FAM135A: variants seen among roughly 807,000 people sequenced by gnomAD.
FAM135A encodes the protein family with sequence similarity 135 member A.
A neutral mutation model predicts 146.8 loss-of-function variants in FAM135A; 79 were observed. The observed-to-expected ratio is 0.54, with a 90% confidence interval of 0.45 to 0.65. The LOEUF (loss-of-function observed/expected upper bound fraction) is 0.65. Ranked by LOEUF, FAM135A falls within the 30% of genes least tolerant of loss-of-function variation. The pLI is 0.00. For missense variants in FAM135A, 1,623 were observed against 1,758.2 expected, an observed-to-expected ratio of 0.92 and a Z score of 1.38; for synonymous variants, 562 against 603.6, an observed-to-expected ratio of 0.93 and a Z score of 1.01.
chr6:70,542,059 C>T (rs781279510), intron 20 of FAM135A, among the ~76,000 whole-genome samples: 55 of 152,266 alleles, frequency 3.6e-4, no homozygotes, highest in Middle Eastern at 6.8e-3. Context: ...TTCTCACTTC[C>T]TCGTTAGACG....
intron 5 of FAM135A, among the ~76,000 whole-genome samples, chr6:70,475,061 G>T (rs1392825848): frequency 6.6e-6 from 1 of 152,072 alleles, no homozygotes; most frequent in Non-Finnish European, 1.5e-5. Flanking sequence ...CTAGCAACCA[G>T]TACAAAGGCC....
intron 5 of FAM135A, among the ~76,000 whole-genome samples, chr6:70,472,858 C>T (rs1363823028): frequency 1.3e-5 from 2 of 152,124 alleles, no homozygotes; most frequent in Admixed American, 6.5e-5. Flanking sequence ...AGAAGTGATG[C>T]TTGTTCTTCT....
intron 11 of FAM135A, among the ~76,000 whole-genome samples, chr6:70,501,019 G>T (rs1205781827): frequency 6.6e-6 from 1 of 152,220 alleles, no homozygotes; most frequent in African/African-American, 2.4e-5. Flanking sequence ...TGTGCTCAGA[G>T]AATCCCTTTT....
At chr6:70,487,789 A>G (rs1784976475) in intron 10 of FAM135A, among the ~76,000 whole-genome samples, 1 of 152,200 alleles carries the variant, frequency 6.6e-6, no homozygotes, top group South Asian at 2.1e-4. Context: ...TTGCCAGCCT[A>G]TCAGTTTACA....
intron 11 of FAM135A, among the ~76,000 whole-genome samples, chr6:70,499,532 G>C (rs1788033286): frequency 1.3e-5 from 2 of 152,130 alleles, no homozygotes; most frequent in Non-Finnish European, 2.9e-5. Context: ...CATGATACTA[G>C]CTGGTTATTT....
intron 19 of FAM135A, among the ~76,000 whole-genome samples, chr6:70,537,858 G>T (rs1281297983): frequency 2.0e-5 from 3 of 152,116 alleles, no homozygotes; most frequent in African/African-American, 7.2e-5. Flanking sequence ...CTAAGATGTG[G>T]TCTGTTTGCA....
At chr6:70,484,072 A>G (rs1185695446) in intron 10 of FAM135A, among the ~76,000 whole-genome samples, 1 of 152,206 alleles carries the variant, frequency 6.6e-6, no homozygotes, top group Admixed American at 6.5e-5. Flanking sequence ...TTAACAGTGT[A>G]CTTCCCTTGG....
At position 70,481,998 on chromosome 6, in the gene FAM135A, T is replaced by G. The variant is rs778915980; in HGVS notation, c.670-3T>G. Reference sequence around the variant, plus strand: ...CTGTATCCTACATCTGTTTTTTGTTTAGGGTTGTAGCTTCATCATTGCAGA... The same window carrying G: ...CTGTATCCTACATCTGTTTTTTGTTGAGGGTTGTAGCTTCATCATTGCAGA... On this transcript the variant is annotated splice_region_variant and splice_polypyrimidine_tract_variant and intron_variant, in intron 9 of 21. Transcript: ENST00000418814. 6.2e-7 allele frequency: 1 copy of G among 1,609,988 alleles called. No individual in the cohort carries two copies. Among genetic ancestry groups the G allele is most frequent in the Non-Finnish European group, 8.5e-7 (1 of 1,178,084 alleles).
chr6:70,482,927 T>G (rs542892715), intron 10 of FAM135A, among the ~76,000 whole-genome samples: 2 of 141,972 alleles, frequency 1.4e-5, no homozygotes, highest in East Asian at 5.1e-4. Context: ...ATATATTGTT[T>G]TATAAGTTTT....
At chr6:70,474,816 G>A (rs936487973) in intron 5 of FAM135A, among the ~76,000 whole-genome samples, 22 of 152,022 alleles carry the variant, frequency 1.4e-4, no homozygotes, top group African/African-American at 4.8e-4. Flanking sequence ...CTGAATCATC[G>A]CCCATGTCGC....
At chr6:70,478,553 G>A (rs1357685839) in intron 8 of FAM135A, among the ~76,000 whole-genome samples, 1 of 152,098 alleles carries the variant, frequency 6.6e-6, no homozygotes, top group East Asian at 1.9e-4. Flanking sequence ...TTGACCACAG[G>A]TAATAACCTC....
intron 12 of FAM135A, chr6:70,503,695 CTAAA>C (rs2128257978): frequency 6.6e-6 from 1 of 152,244 alleles, no homozygotes; most frequent in South Asian, 2.1e-4. Context: ...TGTATGCACA[CTAAA>C]TAGAGGTTGT....
rs1561975558 is a variant in FAM135A at position 70,525,841 on chromosome 6, C to A, written c.2757C>A (p.Asp919Glu). Residue 919 changes from aspartate (D) to glutamate (E), a missense_variant, in exon 15 of 22, where the codon GAC becomes GAA. By Grantham distance (45) the Asp-to-Glu change is conservative (BLOSUM62 2). Transcript: ENST00000418814. Reference sequence around the variant, plus strand: ...ATTCCTTAAATTCAAGCATTAAAGACCCTTTACAATTTGTTTTTTCAGATG... The same window carrying A: ...ATTCCTTAAATTCAAGCATTAAAGAACCTTTACAATTTGTTTTTTCAGATG... ...AIHSLNSSIK[D>E]PLQFVFSDEE... 1 of 1,611,526 alleles carries A rather than the reference C, an allele frequency of 6.2e-7. No individual in the cohort carries two copies. Among genetic ancestry groups the A allele is most frequent in the Non-Finnish European group, 8.5e-7 (1 of 1,179,196 alleles).
rs2128526086 is a variant in FAM135A at position 70,560,470 on chromosome 6, C to T, written c.*549C>T. On this transcript the variant is annotated 3_prime_UTR_variant, in exon 22 of 22. Coordinates refer to ENST00000418814, the MANE Select transcript of FAM135A (RefSeq NM_001162529.3). Reference sequence around the variant, plus strand: ...ATCAAACCAGGTAGTTCATATAAAACAGTGTAATACAAGTTTTCTATAAAG... The same window carrying T: ...ATCAAACCAGGTAGTTCATATAAAATAGTGTAATACAAGTTTTCTATAAAG... 6.5e-6 allele frequency: 1 copy of T among 152,730 alleles called. No individual in the cohort carries two copies. The highest frequency in any genetic ancestry group is 1.9e-4 in the East Asian group (1 of 5,192). The allele number at this position is 152,730 out of a possible 1,614,324, so 9.5% of individuals were successfully genotyped here. A position where few individuals can be genotyped will look rare whatever the true frequency, so the allele number is the denominator to read the frequency against.
chr6:70,507,940 A>T (rs547898272), intron 12 of FAM135A, among the ~76,000 whole-genome samples: 1 of 152,184 alleles, frequency 6.6e-6, no homozygotes, highest in South Asian at 2.1e-4. Flanking sequence ...TTGCCCTCCT[A>T]ATTACATGCT....
chr6:70,460,231 TAA>T (rs1433375365), intron 5 of FAM135A, among the ~76,000 whole-genome samples: 1 of 152,216 alleles, frequency 6.6e-6, no homozygotes, highest in African/African-American at 2.4e-5. Context: ...CCCAACCTTT[TAA>T]AAGAGATACT....
chr6:70,416,159 A>G (rs1767509719), intron 2 of FAM135A, among the ~76,000 whole-genome samples: 1 of 152,220 alleles, frequency 6.6e-6, no homozygotes, highest in African/African-American at 2.4e-5. Flanking sequence ...CTTTGAAAGA[A>G]GTGCAAGCTT....
chr6:70,530,807 AAAT>A (rs569517653), intron 16 of FAM135A, among the ~76,000 whole-genome samples: 36 of 152,304 alleles, frequency 2.4e-4, no homozygotes, highest in African/African-American at 7.0e-4. Flanking sequence ...ATAAAAATAG[AAAT>A]ATAAACTTCA....
At chr6:70,486,343 A>G (rs1265975426) in intron 10 of FAM135A, 2 of 992,874 alleles carry the variant, frequency 2.0e-6, no homozygotes, top group Non-Finnish European at 3.1e-6. Context: ...TATATTTAAT[A>G]ATGTGGTATG....
Sources: allele counts gnomAD v4.1 joint callset (sites outside exome capture counted in the v4.1 genomes callset), GRCh38; gene constraint gnomAD v4.1.1; transcripts MANE v1.5; gene names NCBI Gene and HGNC (gene_info 2026-07-23, HGNC 2026-07-21).